Variants in TPM3 observed in about 807,000 individuals in gnomAD.
TPM3 encodes the protein tropomyosin alpha-3 chain.
TPM3 carries 16 observed loss-of-function variants against 43.1 expected under a neutral mutation model. That is an observed-to-expected ratio of 0.37 (90% confidence interval 0.25 to 0.56). The LOEUF is 0.56. Among genes scored for constraint, TPM3 ranks in the 20% least tolerant of loss-of-function variants. The pLI, the probability that TPM3 is intolerant of heterozygous loss-of-function variation, is 0.77. For missense variants in TPM3, 176 were observed against 337.2 expected, an observed-to-expected ratio of 0.52 and a Z score of 3.74; for synonymous variants, 101 against 116.9, an observed-to-expected ratio of 0.86 and a Z score of 0.88.
rs745415792 is a variant in TPM3, at chr1:154,162,716, A to G, written c.*5221T>C. ...AACACAGGATGGCTTCTGCAAGGAT[A>G]TTAAGCCTTAAACAAAGGAATGAAT... On this transcript the variant is annotated 3_prime_UTR_variant, in exon 10 of 10. Transcript: ENST00000651641. Among the ~76,000 whole-genome samples, 3 of 152,204 alleles carry G rather than the reference A, an allele frequency of 2.0e-5. No individual in the cohort carries two copies. The highest frequency in any genetic ancestry group is 2.1e-4 in the South Asian group (1 of 4,834).
At position 154,165,832 on chromosome 1, in the gene TPM3, G is replaced by T. The variant is rs1163255584; in HGVS notation, c.*2105C>A. ...GAAAAAAAGAAAAAAGTTTTAACATGTTTATGAAGTACCCATTACATGCCT... is the reference window on the plus strand; with the variant it reads ...GAAAAAAAGAAAAAAGTTTTAACATTTTTATGAAGTACCCATTACATGCCT... On this transcript the variant is annotated 3_prime_UTR_variant, in exon 10 of 10. Coordinates refer to ENST00000651641, the MANE Select transcript of TPM3 (RefSeq NM_152263.4). Among the ~76,000 whole-genome samples, 4 of 151,330 alleles carry T rather than the reference G, an allele frequency of 2.6e-5. No homozygotes were observed. The highest frequency in any genetic ancestry group is 9.7e-5 in the African/African-American group (4 of 41,244).
chr1:154,188,962 C>T (rs915579534), intron 2 of TPM3, among the ~76,000 whole-genome samples: 2 of 150,890 alleles, frequency 1.3e-5, no homozygotes, highest in African/African-American at 2.4e-5. Flanking sequence ...GAAACACTGT[C>T]TCTACTAAAA....
At chr1:154,158,926 G>C (rs770750449), downstream of TPM3, 14 of 778,338 alleles carry the variant, frequency 1.8e-5, no homozygotes, top group East Asian at 3.4e-4. Flanking sequence ...TCAGTGGTGT[G>C]AGCAGTAAGC....
At chr1:154,157,753 A>G, downstream of TPM3, 1 of 780,702 alleles carries the variant, frequency 1.3e-6, no homozygotes, top group East Asian at 2.4e-5. Flanking sequence ...AGTTACAAGA[A>G]CTAGAAGTAA....
At chr1:154,174,679 G>A (rs1038778167) in intron 3 of TPM3, among the ~76,000 whole-genome samples, 12 of 151,078 alleles carry the variant, frequency 7.9e-5, no homozygotes. Flanking sequence ...ACTTTTACCA[G>A]AGACTGGATT....
At position 154,192,087 on chromosome 1, in the gene TPM3, G is replaced by A. The variant is rs575380321; in HGVS notation, c.-69C>T. ...TGGAGACTGGGGCAAGAAAGAAGGG[G>A]CTGCTGCCTGAGTGACCAGGAGGTC... On this transcript the variant is annotated 5_prime_UTR_variant, in exon 1 of 10. Transcript: ENST00000651641. 1.5e-6 allele frequency: 2 copies of A among 1,371,248 alleles called. No individual in the cohort carries two copies. Among genetic ancestry groups the A allele is most frequent in the Admixed American group, 3.4e-5 (2 of 59,534 alleles). 84.9% of individuals were successfully genotyped at this position (1,371,248 alleles called of 1,614,324 possible). A position where few individuals can be genotyped will look rare whatever the true frequency, so the allele number is the denominator to read the frequency against.
chr1:154,172,135 G>A, intron 5 of TPM3: 2 of 1,611,510 alleles, frequency 1.2e-6, no homozygotes, highest in Admixed American at 1.7e-5. Context: ...GATGGCACAA[G>A]CCAGGTTGTG....
chr1:154,178,184 A>C (rs947445515), intron 2 of TPM3: 1 of 985,348 alleles, frequency 1.0e-6, no homozygotes, highest in Non-Finnish European at 1.2e-6. Context: ...GCAGCTCACC[A>C]GTAGTTACCC....
At chr1:154,159,990 CCTTT>C (rs1176089716), downstream of TPM3, among the ~76,000 whole-genome samples, 1 of 126,018 alleles carries the variant, frequency 7.9e-6, no homozygotes, top group Non-Finnish European at 1.6e-5. Flanking sequence ...TAAGTTATTT[CCTTT>C]TTTTTTTTTT....
rs1661099695 is a variant in TPM3 at position 154,167,405 on chromosome 1, C to G, written c.*532G>C. ...ATTGAGAGTCACTTCAATGGCTTCT[C>G]AATGACACCACACCAAAGGAGGAAT... On this transcript the variant is annotated 3_prime_UTR_variant, in exon 10 of 10. Coordinates refer to ENST00000651641, the MANE Select transcript of TPM3 (RefSeq NM_152263.4). The G allele has an allele frequency of 2.8e-6, 3 of 1,065,226 alleles. No individual in the cohort carries two copies. The highest frequency in any genetic ancestry group is 4.2e-4 in the Middle Eastern group (1 of 2,370). The allele number at this position is 1,065,226 out of a possible 1,614,324, so 66.0% of individuals were successfully genotyped here. A position where few individuals can be genotyped will look rare whatever the true frequency, so the allele number is the denominator to read the frequency against.
downstream of TPM3, chr1:154,158,650 G>A (rs573610645): frequency 2.8e-4 from 117 of 415,812 alleles, no homozygotes; most frequent in African/African-American, 2.1e-3. Flanking sequence ...ATCCATGCAA[G>A]GGAACATATC....
chr1:154,183,536 T>A (rs563332136), intron 2 of TPM3: 29 of 364,504 alleles, frequency 8.0e-5, no homozygotes, highest in African/African-American at 5.2e-4. Context: ...ACTCCCGCAA[T>A]GCCGATACCC....
At chr1:154,178,762 C>A (rs1259886164) in intron 2 of TPM3, among the ~76,000 whole-genome samples, 3 of 152,178 alleles carry the variant, frequency 2.0e-5, no homozygotes, top group Non-Finnish European at 4.4e-5. Context: ...TTTGGTGTTT[C>A]AGCTGACCTA....
chr1:154,158,735 A>T, downstream of TPM3: 1 of 520,222 alleles, frequency 1.9e-6, no homozygotes, highest in Non-Finnish European at 3.5e-6. Flanking sequence ...TCTCACTATA[A>T]TCTCTCAGGC....
chr1:154,171,617 T>C, intron 5 of TPM3, 129 bp from the exon 6 acceptor site: 1 of 997,782 alleles, frequency 1.0e-6, no homozygotes. Context: ...GGGGAAGAGA[T>C]GTTCCCAAGT....
At chr1:154,158,908 G>A (rs1660075232), downstream of TPM3, 2 of 775,600 alleles carry the variant, frequency 2.6e-6, no homozygotes, top group African/African-American at 3.4e-5. Flanking sequence ...TTTTTGTTGG[G>A]GTCCAGGTCA....
At chr1:154,157,612 G>A (rs1212539893), downstream of TPM3, 2 of 774,178 alleles carry the variant, frequency 2.6e-6, no homozygotes, top group Non-Finnish European at 4.8e-6. Context: ...AGAGGGAGGA[G>A]CAGCAGCAGG....
At chr1:154,158,755 C>A (rs978270649), downstream of TPM3, 2 of 551,490 alleles carry the variant, frequency 3.6e-6, no homozygotes, top group South Asian at 4.0e-5. Flanking sequence ...CCCCTCCCTT[C>A]TTCACCCATA....
chr1:154,158,751 C>T (rs1413364938), downstream of TPM3: 1 of 544,752 alleles, frequency 1.8e-6, no homozygotes, highest in African/African-American at 1.9e-5. Context: ...CAGGCCCCTC[C>T]CTTCTTCACC....
Sources: gnomAD v4.1 joint callset for allele counts (sites outside exome capture counted in the v4.1 genomes callset) on GRCh38, gnomAD v4.1.1 for gene constraint, MANE v1.5 for transcripts, NCBI Gene and HGNC (gene_info 2026-07-23, HGNC 2026-07-21) for gene names.